The following GABRA2 variants were observed in gnomAD, a reference collection of about 807,000 sequenced individuals.
GABRA2 encodes gamma-aminobutyric acid type A receptor subunit alpha2.
Under a neutral mutation model 48.7 loss-of-function variants are expected in GABRA2, and 16 were observed. That is an observed-to-expected ratio of 0.33 (90% CI 0.22 to 0.50). The LOEUF (loss-of-function observed/expected upper bound fraction) is 0.50. Ranked by LOEUF, GABRA2 falls within the 20% of genes least tolerant of loss-of-function variation. GABRA2 has a pLI of 0.98. For missense variants in GABRA2, 275 were observed against 535.6 expected, an observed-to-expected ratio of 0.51 and a Z score of 4.80; for synonymous variants, 185 against 184.5, an observed-to-expected ratio of 1.00 and a Z score of -0.02.
intron 8 of GABRA2, among the ~76,000 whole-genome samples, chr4:46,269,717 T>A (rs1718923163): frequency 6.6e-6 from 1 of 151,888 alleles, no homozygotes; most frequent in African/African-American, 2.4e-5. Flanking sequence ...GACTTTTTTT[T>A]GTTTCACATT....
At position 46,245,757 on chromosome 4, in the gene GABRA2, A is replaced by G. The variant is rs1030106912; in HGVS notation, c.*4551T>C. The stretch of plus-strand genomic sequence containing the variant: ...CACACACAGCTAAGACCCTATTAAA[A>G]GATCTTTGGGAACATTACTGTAAGC... On this transcript the variant is annotated 3_prime_UTR_variant, in exon 10 of 10. Transcript: ENST00000381620. Among the ~76,000 whole-genome samples the G allele has an allele frequency of 6.6e-6, 1 of 151,216 alleles. No individual in the cohort carries two copies. Among genetic ancestry groups the G allele is most frequent in the Non-Finnish European group, 1.5e-5 (1 of 67,420 alleles).
At position 46,372,393 on chromosome 4, in the gene GABRA2, G is replaced by T. The variant is rs994450871; in HGVS notation, c.187+13681C>A. Among the ~76,000 whole-genome samples the T allele has an allele frequency of 3.9e-5, 6 of 152,022 alleles. No individual in the cohort carries two copies. The East Asian group carries it at 5.8e-4, about 15-fold the overall frequency. The stretch of plus-strand genomic sequence containing the variant: ...GATTCCACTCCTTCCTTTTGTTCTG[G>T]CCTTAACCATAGATAGGATAGTTGG... On this transcript the variant is annotated intron_variant, in intron 3 of 9. Transcript: ENST00000381620.
At chr4:46,266,153 A>T (rs1718174730) in intron 8 of GABRA2, among the ~76,000 whole-genome samples, 6 of 151,652 alleles carry the variant, frequency 4.0e-5, no homozygotes, top group Admixed American at 3.3e-4. Flanking sequence ...TGACCAGAGT[A>T]TGTTAGGTCT....
intron 3 of GABRA2, among the ~76,000 whole-genome samples, chr4:46,335,459 T>C (rs1207065286): frequency 1.3e-5 from 2 of 152,062 alleles, no homozygotes; most frequent in African/African-American, 4.8e-5. Flanking sequence ...CTCTTCAGTC[T>C]TGATCACTCT....
rs374196951 is a variant in GABRA2, at chr4:46,370,396, A to AAAAC, written c.187+15674_187+15677dup. Among the ~76,000 whole-genome samples, 12 of 152,188 alleles carry AAAAC rather than the reference A, an allele frequency of 7.9e-5. 1 individual carries two copies. Among genetic ancestry groups the AAAAC allele is most frequent in the Admixed American group, 2.0e-4 (3 of 15,280 alleles). On this transcript the variant is annotated intron_variant, in intron 3 of 9. Transcript: ENST00000381620. The stretch of plus-strand genomic sequence containing the variant: ...AACTGATAAAGAACAGTAGAGGGAC[A>AAAAC]AAACAAACAAACAAACAAAAAACCC...
chr4:46,348,730 A>T (rs1163916870), intron 3 of GABRA2, among the ~76,000 whole-genome samples: 8 of 137,778 alleles, frequency 5.8e-5, no homozygotes, highest in Non-Finnish European at 1.2e-4. Context: ...AACAATGAGA[A>T]CACATGGACA....
At chr4:46,315,919 T>C (rs1027802400) in intron 4 of GABRA2, among the ~76,000 whole-genome samples, 12 of 146,932 alleles carry the variant, frequency 8.2e-5, no homozygotes, top group Non-Finnish European at 1.5e-4. Context: ...CCCATACATG[T>C]ACTTTCACAT....
intron 3 of GABRA2, among the ~76,000 whole-genome samples, chr4:46,380,895 A>G (rs964264595): frequency 6.6e-6 from 1 of 152,210 alleles, no homozygotes. Context: ...GTCTAAGGAT[A>G]AATATCCAAG....
chr4:46,269,663 T>C (rs1415636773), intron 8 of GABRA2, among the ~76,000 whole-genome samples: 2 of 151,866 alleles, frequency 1.3e-5, no homozygotes, highest in Non-Finnish European at 2.9e-5. Context: ...GGGAAGAATG[T>C]GGTATTTGGA....
At chr4:46,342,186 G>A (rs927139978) in intron 3 of GABRA2, among the ~76,000 whole-genome samples, 2 of 152,000 alleles carry the variant, frequency 1.3e-5, no homozygotes, top group South Asian at 2.1e-4. Context: ...AGCTCAATGC[G>A]TTTAACAAGC....
rs551620228 is a variant in GABRA2 at position 46,323,697 on chromosome 4, A to G, written c.255+8918T>C. Among the ~76,000 whole-genome samples, 3 of 151,962 alleles carry G rather than the reference A, an allele frequency of 2.0e-5. No homozygotes were observed. The East Asian group carries it at 5.8e-4, about 30-fold the overall frequency. The stretch of plus-strand genomic sequence containing the variant: ...ACTGCCATAAAAATAAAAATAAAAA[A>G]GTTAGGAAGATTTTCATAAGCCTGT... On this transcript the variant is annotated intron_variant, in intron 4 of 9. Transcript: ENST00000381620.
chr4:46,313,605 A>G (rs919952662), intron 4 of GABRA2, among the ~76,000 whole-genome samples: 1 of 149,980 alleles, frequency 6.7e-6, no homozygotes, highest in African/African-American at 2.5e-5. Flanking sequence ...CTCTCTCTCT[A>G]TCTTTACCCT....
chr4:46,358,823 C>T (rs943139039), intron 3 of GABRA2, among the ~76,000 whole-genome samples: 1 of 152,190 alleles, frequency 6.6e-6, no homozygotes, highest in Non-Finnish European at 1.5e-5. Flanking sequence ...TTTGCACTAA[C>T]TTGGCTACTT....
chr4:46,328,905 T>C (rs1207891122), intron 4 of GABRA2, among the ~76,000 whole-genome samples: 1 of 152,138 alleles, frequency 6.6e-6, no homozygotes, highest in Admixed American at 6.6e-5. Context: ...ATTTTGATCA[T>C]CATGAAGACC....
intron 9 of GABRA2, among the ~76,000 whole-genome samples, chr4:46,258,756 G>A (rs1358515203): frequency 6.6e-6 from 1 of 151,800 alleles, no homozygotes; most frequent in Non-Finnish European, 1.5e-5. Flanking sequence ...CCTGAAGAAT[G>A]ATTCTGGAGC....
Position 46,244,500 on chromosome 4 carries a change from A to G in GABRA2, c.*5808T>C, listed in dbSNP as rs1713338247. 6.6e-6 allele frequency among the ~76,000 whole-genome samples: 1 copy of G among 151,580 alleles called. No individual in the cohort carries two copies. On this transcript the variant is annotated 3_prime_UTR_variant, in exon 10 of 10. Transcript: ENST00000381620. Reference sequence around the variant, plus strand: ...TTCAAACCTAGTAAGCTAATTCAGCAATTGCAATCCCACCGGTGGCATCCC... The same window carrying G: ...TTCAAACCTAGTAAGCTAATTCAGCGATTGCAATCCCACCGGTGGCATCCC...
intron 4 of GABRA2, among the ~76,000 whole-genome samples, chr4:46,325,792 T>C (rs1416521839): frequency 6.6e-6 from 1 of 152,030 alleles, no homozygotes; most frequent in Non-Finnish European, 1.5e-5. Context: ...CTTCTGCATA[T>C]GGCTAGCCAG....
At chr4:46,276,595 GGC>G (rs1720549485) in intron 8 of GABRA2, among the ~76,000 whole-genome samples, 1 of 137,838 alleles carries the variant, frequency 7.3e-6, no homozygotes, top group Admixed American at 7.2e-5. Flanking sequence ...ACTGACTTCA[GGC>G]TCAAAAAAAA....
At chr4:46,379,373 A>T (rs769753107) in intron 3 of GABRA2, among the ~76,000 whole-genome samples, 6 of 152,192 alleles carry the variant, frequency 3.9e-5, no homozygotes, top group Admixed American at 2.6e-4. Context: ...TCAGGCACCC[A>T]AGCACATGTC....
Sources: allele counts gnomAD v4.1 joint callset (sites outside exome capture counted in the v4.1 genomes callset), GRCh38; gene constraint gnomAD v4.1.1; transcripts MANE v1.5; gene names NCBI Gene and HGNC (gene_info 2026-07-23, HGNC 2026-07-21).